The following SRA1 variants were observed in gnomAD, a reference collection of about 807,000 sequenced individuals.
SRA1 encodes the protein lncRNA SRA.
A neutral mutation model predicts 24.3 loss-of-function variants in SRA1; 25 were observed. The observed-to-expected ratio is 1.03, with a 90% CI of 0.75 to 1.43. The LOEUF (loss-of-function observed/expected upper bound fraction) is 1.43, where lower values mean the gene tolerates loss of function less well. Ranked by LOEUF, SRA1 falls within the 40% of genes most tolerant of loss-of-function variation. The pLI is 0.00. For synonymous variants in SRA1, 104 were observed against 109.5 expected (o/e 0.95, Z 0.31); for missense variants, 303 against 286.6 (o/e 1.06, Z -0.41).
chr5:140,550,963 G>A (rs770636786), intron 4 of SRA1, 52 bp from the exon 5 acceptor site: 6 of 1,580,384 alleles, frequency 3.8e-6, no homozygotes, highest in Non-Finnish European at 5.2e-6. Context: ...GAGCTTCCAT[G>A]CCTCCCCTCC....
upstream of SRA1, chr5:140,557,834 G>A: frequency 3.0e-6 from 1 of 331,118 alleles, no homozygotes; most frequent in Non-Finnish European, 5.6e-6. Context: ...CCACATTCAC[G>A]TCCGGTAGCC....
In SRA1 at chr5:140,550,447, G is replaced by A. The variant is rs368738762; in HGVS notation, c.*253C>T. On this transcript the variant is annotated 3_prime_UTR_variant, in exon 5 of 5. Coordinates refer to ENST00000336283, the MANE Select transcript of SRA1 (RefSeq NM_001035235.4). ...CAGATACACAGGGAGCAGGGCAGTC[G>A]AGGACACCAGAGGGGACTAGCTTGG... 2.0e-4 allele frequency: 111 copies of A among 552,768 alleles called. No individual in the cohort carries two copies. The highest frequency in any genetic ancestry group is 9.9e-4 in the Admixed American group (32 of 32,208). The allele number at this position is 552,768 out of a possible 1,614,324, so 34.2% of individuals were successfully genotyped here. A position where few individuals can be genotyped will look rare whatever the true frequency, so the allele number is the denominator to read the frequency against.
intron 2 of SRA1, among the ~76,000 whole-genome samples, chr5:140,556,671 CTT>C (rs35384293): frequency 4.7e-4 from 69 of 146,588 alleles, no homozygotes; most frequent in East Asian, 1.6e-3. Context: ...AAGCAGAGAT[CTT>C]TTTTTTTTTT....
At chr5:140,551,399 C>T (rs1406063768) in intron 3 of SRA1, 2 of 474,072 alleles carry the variant, frequency 4.2e-6, no homozygotes, top group East Asian at 6.6e-5. Context: ...GGTCATTAAA[C>T]AGGAATTCTC....
upstream of SRA1, chr5:140,557,589 G>T: frequency 9.8e-7 from 1 of 1,019,846 alleles, no homozygotes; most frequent in Non-Finnish European, 1.4e-6. Context: ...ACCGTCGGGA[G>T]CCGCTGTGGG....
intron 2 of SRA1, among the ~76,000 whole-genome samples, 196 bp downstream of exon 2, chr5:140,556,951 C>T (rs1754721991): frequency 6.6e-6 from 1 of 152,082 alleles, no homozygotes; most frequent in African/African-American, 2.4e-5. Context: ...CTTTTTAAAT[C>T]AATACACCAT....
At chr5:140,551,926 C>T in intron 3 of SRA1, 56 bp downstream of exon 3, 2 of 1,513,946 alleles carry the variant, frequency 1.3e-6, no homozygotes, top group Non-Finnish European at 1.8e-6. Flanking sequence ...GGGAACCATT[C>T]CTGCATTTGG....
rs1168461037 is a variant in SRA1 at position 140,557,201 on chromosome 5, T to G, written c.97A>C (p.Arg33=). 1 of 1,604,038 alleles carries G rather than the reference T, an allele frequency of 6.2e-7. No homozygotes were observed. Among genetic ancestry groups the G allele is most frequent in the African/African-American group, 1.3e-5 (1 of 74,200 alleles). Residue 33 remains arginine (R), a synonymous_variant, in exon 2 of 5, where the codon AGG becomes CGG. Coordinates refer to ENST00000336283, the MANE Select transcript of SRA1 (RefSeq NM_001035235.4). The part of the protein sequence containing the change: ...YGLQTQAGGP[R]RSLLTKRVAA... ...ACCCTCTTGGTAAGCAGCGAGCGCCTGGGTCCGCCGGCCTGGGTCTGCAGC... is the reference window on the plus strand; with the variant it reads ...ACCCTCTTGGTAAGCAGCGAGCGCCGGGGTCCGCCGGCCTGGGTCTGCAGC...
rs1468396831 is a variant in SRA1, at chr5:140,551,241, C to T, written c.355-72G>A. 4 of 1,201,880 alleles carry T rather than the reference C, an allele frequency of 3.3e-6. No individual in the cohort carries two copies. The East Asian group carries it at 7.1e-5, about 21-fold the overall frequency. The allele number at this position is 1,201,880 out of a possible 1,614,324, so 74.5% of individuals were successfully genotyped here. A position where few individuals can be genotyped will look rare whatever the true frequency, so the allele number is the denominator to read the frequency against. ...AGGGGAGGAGAGGGGAAGACAGCAC[C>T]ACATAGGAAGCACCTGCTTTCTCTG... On this transcript the variant is annotated intron_variant, in intron 3 of 4. Transcript: ENST00000336283.
At chr5:140,553,626 GAAGCCACTGCAGGTTTGTAA>G (rs1754620512) in intron 2 of SRA1, among the ~76,000 whole-genome samples, 1 of 152,178 alleles carries the variant, frequency 6.6e-6, no homozygotes, top group South Asian at 2.1e-4. Context: ...ATGGTACTGG[GAAGCCACTGCAGGTTTGTAA>G]AAGCAAGGGG....
intron 2 of SRA1, among the ~76,000 whole-genome samples, chr5:140,554,210 C>G (rs974601998): frequency 1.3e-5 from 2 of 152,302 alleles, no homozygotes; most frequent in East Asian, 3.9e-4. Flanking sequence ...CTCCCATTGT[C>G]CCACTTTCCT....
intron 2 of SRA1, among the ~76,000 whole-genome samples, chr5:140,554,043 A>AT (rs1297859165): frequency 1.3e-5 from 2 of 152,016 alleles, no homozygotes; most frequent in Non-Finnish European, 2.9e-5. Context: ...TCCAGTGATC[A>AT]TTTTTTCCCA....
intron 2 of SRA1, 52 bp downstream of exon 2, chr5:140,557,095 A>ACC (rs58321242): frequency 3.2e-5 from 27 of 838,582 alleles, no homozygotes; most frequent in Admixed American, 1.5e-4. Flanking sequence ...TATGCCTTAC[A>ACC]CCCCCCCCCC....
At chr5:140,557,023 A>G in intron 2 of SRA1, 124 bp downstream of exon 2, 1 of 841,962 alleles carries the variant, frequency 1.2e-6, no homozygotes, top group Non-Finnish European at 1.9e-6. Context: ...CCCTTACTGG[A>G]GCCCCAAAAC....
At chr5:140,553,641 T>C (rs1754620752) in intron 2 of SRA1, among the ~76,000 whole-genome samples, 2 of 152,156 alleles carry the variant, frequency 1.3e-5, no homozygotes, top group Admixed American at 6.5e-5. Flanking sequence ...CACTGCAGGT[T>C]TGTAAAAGCA....
At chr5:140,551,431 T>G in intron 3 of SRA1, 2 of 407,718 alleles carry the variant, frequency 4.9e-6, no homozygotes, top group South Asian at 4.6e-5. Flanking sequence ...CCACCAGTCT[T>G]CCTAACCCAC....
chr5:140,552,509 T>C (rs1402490078), intron 2 of SRA1, among the ~76,000 whole-genome samples: 1 of 151,848 alleles, frequency 6.6e-6, no homozygotes, highest in African/African-American at 2.4e-5. Context: ...AAAAATTAGC[T>C]GGGCATGGTG....
At chr5:140,557,006 T>C (rs2127122494) in intron 2 of SRA1, 141 bp downstream of exon 2, 1 of 724,038 alleles carries the variant, frequency 1.4e-6, no homozygotes, top group Non-Finnish European at 2.3e-6. Flanking sequence ...AAGCACCTGC[T>C]CTGAGACCCT....
At position 140,557,271 on chromosome 5, in the gene SRA1, G is replaced by C; in HGVS notation, c.27C>G (p.Gly9=). ...GGTCGTTCCAGCCGCGTTCCTTGTT[G>C]CCTGCGGAGGCGAGGGATGTGTGAA... is the stretch of plus-strand genomic sequence containing the variant. MAELYVKP[G]NKERGWNDPP... is the part of the protein sequence containing the mutation. Residue 9 remains glycine, a splice_region_variant and synonymous_variant, in exon 2 of 5, where the codon GGC becomes GGG. Transcript: ENST00000336283. The C allele has an allele frequency of 1.9e-6, 3 of 1,611,080 alleles. No homozygotes were observed. Among genetic ancestry groups the C allele is most frequent in the Non-Finnish European group, 2.5e-6 (3 of 1,179,938 alleles).
Sources: gnomAD v4.1 joint callset for allele counts (sites outside exome capture counted in the v4.1 genomes callset) on GRCh38, gnomAD v4.1.1 for gene constraint, MANE v1.5 for transcripts, NCBI Gene and HGNC (gene_info 2026-07-23, HGNC 2026-07-21) for gene names.